EYS: variants seen among roughly 807,000 people sequenced by gnomAD.
The protein encoded by EYS is EGF-like photoreceptor maintenance factor.
EYS carries 250 observed loss-of-function variants against 282.1 expected under a neutral mutation model. The observed-to-expected ratio is 0.89, with a 90% confidence interval of 0.80 to 0.98. EYS has a LOEUF of 0.98. Among genes scored for constraint, EYS ranks in the 50% least tolerant of loss-of-function variants. The pLI is 0.00. For synonymous variants in EYS, 1,355 were observed against 1,282.9 expected (o/e 1.06, Z -1.20); for missense variants, 4,016 against 3,709.0 (o/e 1.08, Z -2.15).
intron 26 of EYS, among the ~76,000 whole-genome samples, chr6:64,507,480 G>C (rs1477536985): frequency 2.0e-5 from 3 of 152,158 alleles, no homozygotes; most frequent in Non-Finnish European, 2.9e-5. Context: ...ATGTAACATA[G>C]AAGGGGCTAT....
At chr6:64,339,679 C>T (rs373425672) in intron 29 of EYS, among the ~76,000 whole-genome samples, 10 of 151,830 alleles carry the variant, frequency 6.6e-5, no homozygotes, top group South Asian at 6.2e-4. Context: ...TACTTGCACA[C>T]GCGTGTTTAC....
chr6:64,856,060 C>T (rs1231035682), intron 19 of EYS, among the ~76,000 whole-genome samples: 1 of 151,998 alleles, frequency 6.6e-6, no homozygotes, highest in African/African-American at 2.4e-5. Flanking sequence ...ATGAATAAAC[C>T]TGCTATGAAC....
chr6:65,527,365 T>C (rs1188667943), intron 2 of EYS, among the ~76,000 whole-genome samples: 1 of 152,186 alleles, frequency 6.6e-6, no homozygotes, highest in Non-Finnish European at 1.5e-5. Context: ...GGTAGCACTA[T>C]TGAAAACTGC....
intron 12 of EYS, among the ~76,000 whole-genome samples, chr6:65,175,698 C>G (rs1765207716): frequency 6.6e-6 from 1 of 151,312 alleles, no homozygotes; most frequent in Admixed American, 6.6e-5. Flanking sequence ...AACAAGTGGA[C>G]TTGAGATCAT....
intron 32 of EYS, among the ~76,000 whole-genome samples, chr6:64,073,630 A>G (rs139353303): frequency 5.5e-4 from 83 of 151,994 alleles, no homozygotes; most frequent in African/African-American, 1.9e-3. Context: ...ATTCTAAGTA[A>G]TGACTATTCT....
chr6:65,151,479 G>A (rs1408387811), intron 12 of EYS, among the ~76,000 whole-genome samples: 2 of 152,056 alleles, frequency 1.3e-5, no homozygotes, highest in East Asian at 3.9e-4. Context: ...TTGGATTCAG[G>A]CTGCCTCAGA....
intron 31 of EYS, among the ~76,000 whole-genome samples, chr6:64,085,832 A>C (rs563430569): frequency 1.3e-5 from 2 of 152,292 alleles, no homozygotes; most frequent in South Asian, 4.1e-4. Flanking sequence ...TTACTCTTAG[A>C]AATTTACCTA....
intron 36 of EYS, among the ~76,000 whole-genome samples, chr6:63,823,682 T>G (rs147820911): frequency 9.9e-5 from 15 of 152,248 alleles, no homozygotes; most frequent in African/African-American, 3.6e-4. Flanking sequence ...CTTTATTTAT[T>G]TCACTTTCAT....
intron 37 of EYS, among the ~76,000 whole-genome samples, chr6:63,804,371 C>T (rs1770852638): frequency 6.6e-6 from 1 of 152,116 alleles, no homozygotes. Flanking sequence ...TTCCTCACAA[C>T]GCTGTAAGGA....
At chr6:64,359,807 T>C (rs1771946690) in intron 29 of EYS, among the ~76,000 whole-genome samples, 3 of 151,758 alleles carry the variant, frequency 2.0e-5, no homozygotes, top group South Asian at 2.1e-4. Context: ...TCACTGAACA[T>C]TGGTCACTTC....
intron 31 of EYS, among the ~76,000 whole-genome samples, chr6:64,120,390 TTA>T (rs1437600988): frequency 1.4e-5 from 2 of 145,908 alleles, no homozygotes; most frequent in African/African-American, 5.2e-5. Context: ...AAAGAAAAAC[TTA>T]TATCTTTTTA....
intron 12 of EYS, among the ~76,000 whole-genome samples, chr6:65,228,655 G>T (rs1478073922): frequency 1.3e-5 from 2 of 151,956 alleles, no homozygotes; most frequent in Non-Finnish European, 2.9e-5. Flanking sequence ...GAAAATCCTA[G>T]CAGGTATTTT....
chr6:65,285,211 T>G (rs769092722), intron 12 of EYS, among the ~76,000 whole-genome samples: 16 of 152,056 alleles, frequency 1.1e-4, no homozygotes, highest in Non-Finnish European at 1.9e-4. Flanking sequence ...TCTGCTACAT[T>G]TTGTGGCCTA....
At chr6:65,359,867 T>G (rs1764632978) in intron 8 of EYS, among the ~76,000 whole-genome samples, 1 of 151,984 alleles carries the variant, frequency 6.6e-6, no homozygotes, top group Admixed American at 6.6e-5. Context: ...CTGGATAGAA[T>G]ATTTGTATAT....
intron 29 of EYS, among the ~76,000 whole-genome samples, chr6:64,347,292 T>G (rs1771444073): frequency 6.6e-6 from 1 of 151,486 alleles, no homozygotes; most frequent in African/African-American, 2.4e-5. Flanking sequence ...GCCAAAATTG[T>G]GAAACTAACT....
At chr6:64,025,190 G>A (rs1183687530) in intron 33 of EYS, among the ~76,000 whole-genome samples, 1 of 136,288 alleles carries the variant, frequency 7.3e-6, no homozygotes, top group Non-Finnish European at 1.7e-5. Flanking sequence ...CGGGTGCCAG[G>A]CTTTCTGGGA....
intron 12 of EYS, among the ~76,000 whole-genome samples, chr6:65,249,625 C>T (rs183926835): frequency 2.0e-5 from 3 of 151,360 alleles, no homozygotes; most frequent in Non-Finnish European, 4.4e-5. Flanking sequence ...CTCTTGTCTG[C>T]GAACACAAAA....
intron 33 of EYS, among the ~76,000 whole-genome samples, chr6:64,020,341 A>G (rs1313557371): frequency 6.6e-6 from 1 of 152,228 alleles, no homozygotes; most frequent in Non-Finnish European, 1.5e-5. Flanking sequence ...ATATGTATAA[A>G]TGTAATATAT....
intron 11 of EYS, among the ~76,000 whole-genome samples, chr6:65,300,597 G>A (rs1165203060): frequency 6.6e-6 from 1 of 152,016 alleles, no homozygotes; most frequent in Non-Finnish European, 1.5e-5. Context: ...ACATGGTTAT[G>A]CTTGGCTCTC....
Sources: allele counts gnomAD v4.1 joint callset (sites outside exome capture counted in the v4.1 genomes callset), GRCh38; gene constraint gnomAD v4.1.1; transcripts MANE v1.5; gene names NCBI Gene and HGNC (gene_info 2026-07-23, HGNC 2026-07-21).